The following PKHD1 variants were observed in gnomAD, a reference collection of about 807,000 sequenced individuals.
The protein encoded by PKHD1 is PKHD1 ciliary IPT domain containing fibrocystin/polyductin.
PKHD1 carries 291 observed loss-of-function variants against 412.0 expected under a neutral mutation model. The observed-to-expected ratio is 0.71, with a 90% CI of 0.64 to 0.78. The LOEUF is 0.78. PKHD1 is among the 30% of genes least tolerant of loss of function. The probability of loss-of-function intolerance (pLI) is 0.00; values close to 1 mark genes in which losing one functional copy is unlikely to be tolerated. For synonymous variants in PKHD1, 1,777 were observed against 1,821.5 expected (o/e 0.98, Z 0.62); for missense variants, 4,825 against 4,950.7 (o/e 0.97, Z 0.76).
intron 60 of PKHD1, among the ~76,000 whole-genome samples, chr6:51,719,950 T>C (rs1781713392): frequency 6.6e-6 from 1 of 152,206 alleles, no homozygotes; most frequent in Admixed American, 6.5e-5. Flanking sequence ...ACTATGCATA[T>C]TTTTAAGAAT....
intron 34 of PKHD1, among the ~76,000 whole-genome samples, chr6:52,014,971 T>A (rs530041665): frequency 1.6e-4 from 25 of 152,140 alleles, no homozygotes; most frequent in Admixed American, 1.5e-3. Context: ...ATGAAGAAAA[T>A]AAATATGGTC....
rs1183545978 is a variant in PKHD1, at chr6:52,060,002, T to C, written c.1159A>G (p.Asn387Asp). 3 of 1,611,630 alleles carry C rather than the reference T, an allele frequency of 1.9e-6. No homozygotes were observed. The highest frequency in any genetic ancestry group is 2.5e-6 in the Non-Finnish European group (3 of 1,177,872). Residue 387 changes from asparagine to aspartate, a missense_variant, in exon 15 of 67, where the codon AAT (asparagine) becomes GAT (aspartate). Transcript: ENST00000371117. ...TCTGCCTGAATCCAGAAAGTGTAAT[T>C]ATTTGTCTCTGGAGCCACAAAGAAC... ...SGFFVAPETN[N>D]YTFWIQADSQ...
intron 48 of PKHD1, among the ~76,000 whole-genome samples, chr6:51,860,418 C>T (rs950608183): frequency 3.3e-5 from 5 of 152,210 alleles, no homozygotes; most frequent in Non-Finnish European, 7.3e-5. Flanking sequence ...AGAGAACTTA[C>T]CAACAATAAT....
intron 52 of PKHD1, among the ~76,000 whole-genome samples, chr6:51,813,349 T>C (rs1210977806): frequency 6.6e-6 from 1 of 152,120 alleles, no homozygotes; most frequent in African/African-American, 2.4e-5. Flanking sequence ...AAAACTGAAC[T>C]CATGTTATTA....
chr6:52,008,957 G>A (rs760436137), intron 35 of PKHD1, among the ~76,000 whole-genome samples: 15 of 152,036 alleles, frequency 9.9e-5, no homozygotes, highest in Admixed American at 4.6e-4. Context: ...AGGTTATTAC[G>A]CACCCAGCAG....
intron 37 of PKHD1, among the ~76,000 whole-genome samples, chr6:51,917,024 G>T (rs1783904334): frequency 6.6e-6 from 1 of 151,656 alleles, no homozygotes; most frequent in Admixed American, 6.6e-5. Context: ...TTACTAAATG[G>T]GCATGGAGAA....
chr6:51,748,636 G>C lies in PKHD1; in HGVS notation c.8980C>G (p.Gln2994Glu). The change falls in exon 58 of 67, where the codon CAG becomes GAG. Residue 2994 changes from glutamine (Q) to glutamate (E), a missense_variant. Transcript: ENST00000371117. ...GAGTACAATGGTGACCCGAAGTTCT[G>C]AATTTCCACATTAAGAAGTTGAAGG... is the stretch of plus-strand genomic sequence containing the variant. ...GVLQLLNVEI[Q>E]NFGSPLYSSV... is the part of the protein sequence containing the mutation. 6.2e-7 allele frequency: 1 copy of C among 1,613,678 alleles called. No homozygotes were observed. The highest frequency in any genetic ancestry group is 8.5e-7 in the Non-Finnish European group (1 of 1,179,722).
At chr6:51,911,386 G>C (rs2127661574) in intron 39 of PKHD1, among the ~76,000 whole-genome samples, 1 of 152,226 alleles carries the variant, frequency 6.6e-6, no homozygotes, top group East Asian at 1.9e-4. Context: ...CCAAAATGGG[G>C]ATGGGGGAGC....
At chr6:51,686,017 A>C (rs893855186) in intron 60 of PKHD1, among the ~76,000 whole-genome samples, 4 of 152,102 alleles carry the variant, frequency 2.6e-5, no homozygotes, top group Non-Finnish European at 4.4e-5. Flanking sequence ...ACACTTCTTA[A>C]GTTTCTATAA....
chr6:51,735,660 T>C (rs1783746890), intron 60 of PKHD1, among the ~76,000 whole-genome samples: 1 of 152,118 alleles, frequency 6.6e-6, no homozygotes, highest in Non-Finnish European at 1.5e-5. Context: ...GCATGGTGAC[T>C]CATGCCCATA....
At chr6:51,980,318 C>A (rs1794978885) in intron 35 of PKHD1, among the ~76,000 whole-genome samples, 1 of 152,290 alleles carries the variant, frequency 6.6e-6, no homozygotes, top group Admixed American at 6.5e-5. Flanking sequence ...TGTCTGCCAG[C>A]AGAATGTCAG....
intron 31 of PKHD1, among the ~76,000 whole-genome samples, chr6:52,027,162 A>G (rs146010810): frequency 5.8e-4 from 89 of 152,288 alleles, no homozygotes; most frequent in African/African-American, 2.0e-3. Context: ...AATGCAGGAC[A>G]TGTTGCCCTT....
chr6:51,982,523 C>T (rs1396171592), intron 35 of PKHD1, among the ~76,000 whole-genome samples: 1 of 138,194 alleles, frequency 7.2e-6, no homozygotes, highest in Non-Finnish European at 1.6e-5. Context: ...CAACCCTGTG[C>T]TCTCTGAAAC....
chr6:51,934,184 C>T lies in PKHD1; in HGVS notation c.6047G>A (p.Ser2016Asn). Residue 2016 changes from serine to asparagine, a missense_variant, in exon 37 of 67, where the codon AGT becomes AAT. Transcript: ENST00000371117. ...QGRAQITLYG[S>N]SYSTPFFPYG... Reference sequence around the variant, plus strand: ...GGGAAAGAAGGGAGTTGAGTAGGAACTCCCGTAGAGTGTGATCTGAGCTCT... The same window carrying T: ...GGGAAAGAAGGGAGTTGAGTAGGAATTCCCGTAGAGTGTGATCTGAGCTCT... 6.2e-7 allele frequency: 1 copy of T among 1,614,060 alleles called. No homozygotes were observed. The highest frequency in any genetic ancestry group is 8.5e-7 in the Non-Finnish European group (1 of 1,179,892).
chr6:51,852,483 C>A (rs76177977), intron 49 of PKHD1, among the ~76,000 whole-genome samples: 2 of 152,108 alleles, frequency 1.3e-5, no homozygotes, highest in African/African-American at 4.8e-5. Context: ...ATTGATCTGT[C>A]TAATACTGAC....
chr6:51,931,320 A>G (rs1331697471), intron 37 of PKHD1, among the ~76,000 whole-genome samples: 2 of 152,158 alleles, frequency 1.3e-5, no homozygotes, highest in Non-Finnish European at 1.5e-5. Context: ...GTCATTAGGG[A>G]CTTCCTGGGT....
intron 63 of PKHD1, among the ~76,000 whole-genome samples, chr6:51,640,768 A>T (rs1249495553): frequency 1.3e-5 from 2 of 152,206 alleles, no homozygotes; most frequent in African/African-American, 4.8e-5. Context: ...TTGAGATGTT[A>T]TCTTTAAAAG....
intron 52 of PKHD1, among the ~76,000 whole-genome samples, chr6:51,799,307 T>C (rs1317444967): frequency 1.7e-5 from 2 of 116,138 alleles, no homozygotes; most frequent in African/African-American, 3.2e-5. Context: ...CCTGGATTCA[T>C]CTCTCCATTT....
chr6:51,886,988 T>C, intron 44 of PKHD1, 145 bp downstream of exon 44: 2 of 695,106 alleles, frequency 2.9e-6, no homozygotes, highest in South Asian at 3.1e-5. Context: ...ATGTCAATTA[T>C]ACCTCAAAAA....
Sources: allele counts gnomAD v4.1 joint callset (sites outside exome capture counted in the v4.1 genomes callset), GRCh38; gene constraint gnomAD v4.1.1; transcripts MANE v1.5; gene names NCBI Gene and HGNC (gene_info 2026-07-23, HGNC 2026-07-21).